The following TRPM6 variants were observed in gnomAD, a reference collection of about 807,000 sequenced individuals.
The protein encoded by TRPM6 is channel kinase 2.
Under a neutral mutation model 247.6 loss-of-function variants are expected in TRPM6, and 111 were observed. The ratio of observed to expected loss-of-function variants is 0.45; its 90% CI spans 0.38 to 0.52. The LOEUF (loss-of-function observed/expected upper bound fraction) is 0.52. Ranked by LOEUF, TRPM6 falls within the 20% of genes least tolerant of loss-of-function variation. TRPM6 has a pLI of 0.00. For synonymous variants in TRPM6, 892 were observed against 853.8 expected, an observed-to-expected ratio of 1.04 and a Z score of -0.78; for missense variants, 2,126 against 2,421.5, an observed-to-expected ratio of 0.88 and a Z score of 2.56.
chr9:74,882,821 C>T (rs1831405162), intron 1 of TRPM6, among the ~76,000 whole-genome samples: 1 of 152,180 alleles, frequency 6.6e-6, no homozygotes, highest in Non-Finnish European at 1.5e-5. Flanking sequence ...AAGCCCACTA[C>T]AAAGGAGTCT....
At chr9:74,799,953 C>A (rs1024840023) in intron 17 of TRPM6, 19 of 420,910 alleles carry the variant, frequency 4.5e-5, no homozygotes, top group African/African-American at 2.8e-4. Context: ...AGGGTTGATT[C>A]AGCTGATCTG....
intron 23 of TRPM6, among the ~76,000 whole-genome samples, chr9:74,781,365 G>C (rs1286279374): frequency 6.6e-6 from 1 of 151,536 alleles, no homozygotes; most frequent in South Asian, 2.1e-4. Flanking sequence ...GTGAAACCCC[G>C]TCTCTACTAA....
chr9:74,747,746 C>T, intron 31 of TRPM6, 143 bp downstream of exon 31: 1 of 682,008 alleles, frequency 1.5e-6, no homozygotes, highest in Non-Finnish European at 2.5e-6. Flanking sequence ...ACTTTCTACT[C>T]TTCTACTGAA....
intron 23 of TRPM6, among the ~76,000 whole-genome samples, chr9:74,781,886 T>C (rs1166391383): frequency 6.6e-6 from 1 of 152,226 alleles, no homozygotes; most frequent in African/African-American, 2.4e-5. Context: ...ATTGAAAATA[T>C]TTGGGGAAAA....
chr9:74,744,081 C>T lies in TRPM6; in HGVS notation c.5134+14G>A, dbSNP rs1186381396. Reference sequence around the variant, plus strand: ...TTAGCTCAGCTGACATGTCTATGTGCATATGCATCCTACCTGAATAATGAT... The same window carrying T: ...TTAGCTCAGCTGACATGTCTATGTGTATATGCATCCTACCTGAATAATGAT... On this transcript the variant is annotated intron_variant, in intron 32 of 38. Coordinates refer to ENST00000360774, the MANE Select transcript of TRPM6 (RefSeq NM_017662.5). 2 of 1,613,344 alleles carry T rather than the reference C, an allele frequency of 1.2e-6. No individual in the cohort carries two copies. The highest frequency in any genetic ancestry group is 1.7e-6 in the Non-Finnish European group (2 of 1,179,318).
chr9:74,861,303 C>CAA (rs1258656914), intron 1 of TRPM6, among the ~76,000 whole-genome samples: 1 of 152,094 alleles, frequency 6.6e-6, no homozygotes, highest in Non-Finnish European at 1.5e-5. Flanking sequence ...GCAAACGAGA[C>CAA]AAAGTTCCTG....
chr9:74,841,943 C>G (rs1284416548), intron 4 of TRPM6, among the ~76,000 whole-genome samples: 1 of 152,052 alleles, frequency 6.6e-6, no homozygotes, highest in African/African-American at 2.4e-5. Context: ...GAAACCCCGT[C>G]TCTACTAAAA....
chr9:74,821,785 G>A lies in TRPM6; in HGVS notation c.894C>T (p.Asn298=), dbSNP rs749889970. The A allele has an allele frequency of 2.1e-5, 34 of 1,614,048 alleles. No individual in the cohort carries two copies. The highest frequency in any genetic ancestry group is 4.0e-5 in the African/African-American group (3 of 74,904). ...CAGTCTCCCACACTGACAGGATGAC[G>A]TTGGGACCGCCTTCCACCACCAGCC... ...VVGLVVEGGP[N]VILSVWETVK... is the part of the protein sequence containing the mutation. Residue 298 remains asparagine, a synonymous_variant, in exon 8 of 39, where the codon AAC becomes AAT. Coordinates refer to ENST00000360774, the MANE Select transcript of TRPM6 (RefSeq NM_017662.5).
intron 11 of TRPM6, among the ~76,000 whole-genome samples, chr9:74,814,869 G>C (rs1304666369): frequency 6.6e-6 from 1 of 152,092 alleles, no homozygotes; most frequent in East Asian, 1.9e-4. Flanking sequence ...GGATTGCTTG[G>C]TGTGGGAGGT....
intron 27 of TRPM6, among the ~76,000 whole-genome samples, chr9:74,758,821 T>C (rs1826525052): frequency 6.6e-6 from 1 of 152,110 alleles, no homozygotes; most frequent in Non-Finnish European, 1.5e-5. Context: ...CATGTCCAGA[T>C]TGAAAGGAAG....
At chr9:74,785,219 T>C (rs901340180) in intron 21 of TRPM6, among the ~76,000 whole-genome samples, 1 of 152,188 alleles carries the variant, frequency 6.6e-6, no homozygotes, top group African/African-American at 2.4e-5. Flanking sequence ...TAGTCCCAGC[T>C]ACTCAGGACA....
intron 19 of TRPM6, 79 bp downstream of exon 19, chr9:74,792,545 C>A (rs1827941865): frequency 6.8e-7 from 1 of 1,477,114 alleles, no homozygotes; most frequent in South Asian, 1.1e-5. Flanking sequence ...TGCAAAGTGG[C>A]AAATCAGGCA....
Position 74,762,048 on chromosome 9 carries a change from A to G in TRPM6, c.4623T>C (p.Ser1541=). 1 of 1,614,210 alleles carries G rather than the reference A, an allele frequency of 6.2e-7. No homozygotes were observed. Residue 1541 remains serine, a synonymous_variant, in exon 26 of 39, where the codon AGT becomes AGC. Transcript: ENST00000360774. The part of the protein sequence containing the change: ...RRYRPFARSH[S]FRFHKEEKLM... ...ATTTCTCCTCCTTATGGAATCTAAA[A>G]CTATGACTCCTAGCGAAGGGCCTGT...
rs1286787536 is a variant in TRPM6 at position 74,761,682 on chromosome 9, A to G, written c.4785+14T>C. 3 of 1,514,796 alleles carry G rather than the reference A, an allele frequency of 2.0e-6. No individual in the cohort carries two copies. Among genetic ancestry groups the G allele is most frequent in the Admixed American group, 3.3e-5 (2 of 59,876 alleles). The allele number at this position is 1,514,796 out of a possible 1,614,324, so 93.8% of individuals were successfully genotyped here. On this transcript the variant is annotated intron_variant, in intron 27 of 38. Coordinates refer to ENST00000360774, the MANE Select transcript of TRPM6 (RefSeq NM_017662.5). Reference sequence around the variant, plus strand: ...CTGCTCAAAACCTAAAAGACAGAATAACAGTACACTTACTGGCACCTGGAG... The same window carrying G: ...CTGCTCAAAACCTAAAAGACAGAATGACAGTACACTTACTGGCACCTGGAG...
chr9:74,770,546 C>T (rs548568398), intron 25 of TRPM6, among the ~76,000 whole-genome samples: 1 of 152,240 alleles, frequency 6.6e-6, no homozygotes, highest in South Asian at 2.1e-4. Context: ...CCTCCTCTTT[C>T]CTCAAACTTC....
chr9:74,741,890 CAA>C (rs5898377), intron 33 of TRPM6, among the ~76,000 whole-genome samples: 4 of 148,682 alleles, frequency 2.7e-5, no homozygotes, highest in Non-Finnish European at 4.5e-5. Flanking sequence ...AACTCCATCT[CAA>C]AAAAAAAATA....
chr9:74,752,108 T>C (rs1431512316), intron 29 of TRPM6, among the ~76,000 whole-genome samples, 169 bp downstream of exon 29: 2 of 152,150 alleles, frequency 1.3e-5, no homozygotes, highest in African/African-American at 4.8e-5. Flanking sequence ...TGGAGGGGAT[T>C]GAAAAAATAG....
intron 24 of TRPM6, among the ~76,000 whole-genome samples, chr9:74,775,271 C>T (rs1399289289): frequency 6.6e-6 from 1 of 152,190 alleles, no homozygotes; most frequent in Non-Finnish European, 1.5e-5. Flanking sequence ...TGCACCCCAG[C>T]TTTAAACTTC....
At chr9:74,842,917 A>G (rs1215860857) in intron 3 of TRPM6, among the ~76,000 whole-genome samples, 3 of 152,302 alleles carry the variant, frequency 2.0e-5, no homozygotes, top group South Asian at 2.1e-4. Context: ...GTCTTAAAAT[A>G]AGACAATGAT....
Sources: allele counts gnomAD v4.1 joint callset (sites outside exome capture counted in the v4.1 genomes callset), GRCh38; gene constraint gnomAD v4.1.1; transcripts MANE v1.5; gene names NCBI Gene and HGNC (gene_info 2026-07-23, HGNC 2026-07-21).